The following GRIN2D variants were observed in gnomAD, a reference collection of about 807,000 sequenced individuals.
GRIN2D encodes the protein glutamate ionotropic receptor NMDA type subunit 2D.
A neutral mutation model predicts 103.2 loss-of-function variants in GRIN2D; 37 were observed. The ratio of observed to expected loss-of-function variants is 0.36; its 90% CI spans 0.28 to 0.47. The LOEUF is 0.47. Ranked by LOEUF, GRIN2D falls within the 20% of genes least tolerant of loss-of-function variation. The pLI, the probability that GRIN2D is intolerant of heterozygous loss-of-function variation, is 1.00. For synonymous variants in GRIN2D, 845 were observed against 885.6 expected (o/e 0.95, Z 0.81); for missense variants, 1,557 against 1,910.6 (o/e 0.81, Z 3.45).
At chr19:48,428,008 T>C (rs1000335815) in intron 11 of GRIN2D, among the ~76,000 whole-genome samples, 5 of 150,926 alleles carry the variant, frequency 3.3e-5, no homozygotes. Context: ...TCTCTTCCCA[T>C]CATCTTCCCT....
intron 11 of GRIN2D, among the ~76,000 whole-genome samples, chr19:48,426,224 C>CTTTTTTTTTTCTTTCTT (rs1971084650): frequency 5.0e-5 from 6 of 120,118 alleles, no homozygotes; most frequent in Non-Finnish European, 8.4e-5. Flanking sequence ...TTCTTTCTTT[C>CTTTTTTTTTTCTTTCTT]TTTTTTTTTT....
chr19:48,422,488 G>A (rs1004407937), intron 11 of GRIN2D, among the ~76,000 whole-genome samples: 2 of 152,012 alleles, frequency 1.3e-5, no homozygotes, highest in Admixed American at 6.6e-5. Flanking sequence ...GCACGCGCCT[G>A]TAGTCCCAGA....
Position 48,443,782 on chromosome 19 carries a change from A to T in GRIN2D, c.3856A>T (p.Arg1286Trp). The T allele has an allele frequency of 6.9e-7, 1 of 1,448,796 alleles. No individual in the cohort carries two copies. Among genetic ancestry groups the T allele is most frequent in the Non-Finnish European group, 9.0e-7 (1 of 1,108,536 alleles). The allele number at this position is 1,448,796 out of a possible 1,614,324, so 89.7% of individuals were successfully genotyped here. Residue 1286 changes from arginine (R) to tryptophan (W), a missense_variant, in exon 14 of 14, where the codon AGG becomes TGG. By Grantham distance (101) the Arg-to-Trp change is moderately radical (BLOSUM62 -3). Transcript: ENST00000263269. This position sits in a 1 kb window ranked among gnomAD's most constrained non-coding sequence, Gnocchi z 8.9. ...GTGCCCTCGCGCCGCCCCTGCGCGC[A>T]GGCTTACCGGGCCCTCCCGCCACGC... ...SSCPRAAPARRLTGPSRHARR... is the reference protein window; with the variant it reads ...SSCPRAAPARWLTGPSRHARR...
chr19:48,417,231 C>A (rs1970959747), intron 8 of GRIN2D, among the ~76,000 whole-genome samples: 1 of 152,098 alleles, frequency 6.6e-6, no homozygotes, highest in African/African-American at 2.4e-5. Flanking sequence ...CAGAGCCAGA[C>A]CCTATCTCTA....
intron 3 of GRIN2D, among the ~76,000 whole-genome samples, chr19:48,402,482 C>T (rs936474655): frequency 9.2e-5 from 14 of 152,094 alleles, no homozygotes; most frequent in Admixed American, 5.2e-4. Flanking sequence ...CTTTGGGAGG[C>T]CGAGGCGGGT....
rs1971317441 is a variant in GRIN2D, at chr19:48,442,868, G to C, written c.2942G>C (p.Arg981Pro). Residue 981 changes from arginine to proline, a missense_variant, in exon 14 of 14, where the codon CGC becomes CCC. Arg to Pro is a moderately radical substitution (Grantham distance 103). Around this residue, in one of 7 missense-constraint regions of GRIN2D, gnomAD observed 632 missense variants for 572.8 expected, o/e 1.10. Transcript: ENST00000263269. This position sits in a 1 kb window ranked among gnomAD's most constrained non-coding sequence, Gnocchi z 7.2. ...CTAGGCCTCGGCCTGGGCGAAGCGC[G>C]CGCGGCACCGCGGGGCGCAGCCGGG... Reference protein sequence around the residue: ...QGLGLGLGEARAAPRGAAGRP... With the variant: ...QGLGLGLGEAPAAPRGAAGRP... 1 of 1,082,652 alleles carries C rather than the reference G, an allele frequency of 9.2e-7. No individual in the cohort carries two copies. Among genetic ancestry groups the C allele is most frequent in the Non-Finnish European group, 1.1e-6 (1 of 895,230 alleles). The allele number at this position is 1,082,652 out of a possible 1,614,324, so 67.1% of individuals were successfully genotyped here. A position where few individuals can be genotyped will look rare whatever the true frequency, so the allele number is the denominator to read the frequency against.
chr19:48,412,348 C>A (rs7255860), intron 4 of GRIN2D, among the ~76,000 whole-genome samples: 79,424 of 142,436 alleles, frequency 0.56, 22,098 homozygotes, highest in East Asian at 0.85. Context: ...TAAATAAATA[C>A]ATACATACAT....
rs557084994 is a variant in GRIN2D, at chr19:48,430,821, C to CTTT, written c.2252+8890_2252+8892dup. Among the ~76,000 whole-genome samples the CTTT allele has an allele frequency of 3.7e-3, 473 of 128,906 alleles. 4 individuals carry two copies. Among genetic ancestry groups the CTTT allele is most frequent in the African/African-American group, 0.014 (448 of 32,218 alleles). 84.6% of individuals were successfully genotyped at this position (128,906 alleles called of 152,430 possible). A position where few individuals can be genotyped will look rare whatever the true frequency, so the allele number is the denominator to read the frequency against. ...TCTGTTAATTTCTTTTTTCTTTTTT[C>CTTT]TTTTTTTTTTTTTTTTGAGACAGGG... On this transcript the variant is annotated intron_variant, in intron 11 of 13. Transcript: ENST00000263269.
chr19:48,418,116 C>G (rs1387072192), intron 8 of GRIN2D, among the ~76,000 whole-genome samples: 1 of 151,300 alleles, frequency 6.6e-6, no homozygotes, highest in African/African-American at 2.4e-5. Flanking sequence ...TCACTGCAAC[C>G]TCCACCTCCT....
chr19:48,410,064 C>T (rs1053648060), intron 4 of GRIN2D, among the ~76,000 whole-genome samples: 3 of 151,184 alleles, frequency 2.0e-5, no homozygotes, highest in Non-Finnish European at 4.4e-5. Flanking sequence ...GGATTACAGG[C>T]GTGAACCACT....
In GRIN2D at chr19:48,442,631, C is replaced by A. The variant is rs1291762772; in HGVS notation, c.2705C>A (p.Ala902Asp). Residue 902 changes from alanine to aspartate, a missense_variant, in exon 14 of 14, where the codon GCC becomes GAC. Around this residue, in one of 7 missense-constraint regions of GRIN2D, gnomAD observed 632 missense variants for 572.8 expected, o/e 1.10. Coordinates refer to ENST00000263269, the MANE Select transcript of GRIN2D (RefSeq NM_000836.4). The surrounding 1 kb of genome is among the most constrained non-coding windows in gnomAD (Gnocchi z 7.2). Reference sequence around the variant, plus strand: ...TACAGCTGCTGCAGCGCTGAGGCCGCCCCACCGCCCGCCAAGCCCCCGCCG... The same window carrying A: ...TACAGCTGCTGCAGCGCTGAGGCCGACCCACCGCCCGCCAAGCCCCCGCCG... ...GMYSCCSAEA[A>D]PPPAKPPPPP... The A allele has an allele frequency of 2.0e-6, 3 of 1,494,510 alleles. No individual in the cohort carries two copies. Among genetic ancestry groups the A allele is most frequent in the Non-Finnish European group, 2.7e-6 (3 of 1,123,496 alleles). The allele number at this position is 1,494,510 out of a possible 1,614,324, so 92.6% of individuals were successfully genotyped here. A position where few individuals can be genotyped will look rare whatever the true frequency, so the allele number is the denominator to read the frequency against.
At chr19:48,430,821 C>CT (rs557084994) in intron 11 of GRIN2D, among the ~76,000 whole-genome samples, 5,320 of 128,824 alleles carry the variant, frequency 0.041, 221 homozygotes, top group African/African-American at 0.1. Context: ...TTTCTTTTTT[C>CT]TTTTTTTTTT....
chr19:48,441,961 G>A lies in GRIN2D; in HGVS notation c.2440+5G>A, dbSNP rs764851420. On this transcript the variant is annotated splice_donor_5th_base_variant and intron_variant, in intron 12 of 13. Coordinates refer to ENST00000263269, the MANE Select transcript of GRIN2D (RefSeq NM_000836.4). ...TGCTGCAGTTCCTGGGGGATGGTGC[G>A]GCTGCACACAGGGATTTCCACAGCG... is the stretch of plus-strand genomic sequence containing the variant. 1.9e-6 allele frequency: 3 copies of A among 1,599,980 alleles called. No individual in the cohort carries two copies. The highest frequency in any genetic ancestry group is 1.7e-6 in the Non-Finnish European group (2 of 1,174,318).
At position 48,443,121 on chromosome 19, in the gene GRIN2D, C is replaced by T; in HGVS notation, c.3195C>T (p.Asp1065=). 1 of 1,011,490 alleles carries T rather than the reference C, an allele frequency of 9.9e-7. No homozygotes were observed. The highest frequency in any genetic ancestry group is 1.2e-6 in the Non-Finnish European group (1 of 846,748). 62.7% of individuals were successfully genotyped at this position (1,011,490 alleles called of 1,614,324 possible). A position where few individuals can be genotyped will look rare whatever the true frequency, so the allele number is the denominator to read the frequency against. ...PPAPARWPRS[D]PESQPLLGPG... is the part of the protein sequence containing the mutation. Reference sequence around the variant, plus strand: ...CGCCCGCGCGGTGGCCGCGCTCGGACCCCGAGAGCCAACCCCTGCTGGGGC... The same window carrying T: ...CGCCCGCGCGGTGGCCGCGCTCGGATCCCGAGAGCCAACCCCTGCTGGGGC... The change falls in exon 14 of 14, where the codon GAC becomes GAT. Residue 1065 remains aspartate, a synonymous_variant. Transcript: ENST00000263269. The surrounding 1 kb of genome is among the most constrained non-coding windows in gnomAD (Gnocchi z 8.9).
intron 11 of GRIN2D, among the ~76,000 whole-genome samples, chr19:48,429,338 G>A (rs1432682864): frequency 1.3e-5 from 2 of 151,906 alleles, no homozygotes; most frequent in African/African-American, 4.8e-5. Context: ...TGATCCTCCC[G>A]CCTTAGCCTC....
rs962158452 is a variant in GRIN2D, at chr19:48,403,339, A to C, written c.466-1395A>C. Among the ~76,000 whole-genome samples the C allele has an allele frequency of 3.9e-5, 6 of 152,314 alleles. No homozygotes were observed. The South Asian group carries it at 1.2e-3, about 32-fold the overall frequency. The stretch of plus-strand genomic sequence containing the variant: ...TTCAGCAAAGATGAAGCTGTTCTAT[A>C]GCTGCTCTGTCCGATTTGAAAGCCA... On this transcript the variant is annotated intron_variant, in intron 3 of 13. Transcript: ENST00000263269.
chr19:48,423,236 T>C (rs1948250182), intron 11 of GRIN2D, among the ~76,000 whole-genome samples: 1 of 151,894 alleles, frequency 6.6e-6, no homozygotes, highest in Admixed American at 6.6e-5. Flanking sequence ...CAAAAAAAGT[T>C]GAGTTCAGGC....
Position 48,442,858 on chromosome 19 carries a change from G to A in GRIN2D, c.2932G>A (p.Gly978Ser). Residue 978 changes from glycine to serine, a missense_variant, in exon 14 of 14, where the codon GGC becomes AGC. By Grantham distance (56) the Gly-to-Ser change is moderately conservative. Coordinates refer to ENST00000263269, the MANE Select transcript of GRIN2D (RefSeq NM_000836.4). The surrounding 1 kb of genome is among the most constrained non-coding windows in gnomAD (Gnocchi z 7.2). ...GCCGCAGGGCCTAGGCCTCGGCCTG[G>A]GCGAAGCGCGCGCGGCACCGCGGGG... is the stretch of plus-strand genomic sequence containing the variant. ...IEPQGLGLGL[G>S]EARAAPRGAA... 2 of 1,084,250 alleles carry A rather than the reference G, an allele frequency of 1.8e-6. No individual in the cohort carries two copies. The highest frequency in any genetic ancestry group is 2.2e-6 in the Non-Finnish European group (2 of 895,950). 67.2% of individuals were successfully genotyped at this position (1,084,250 alleles called of 1,614,324 possible).
chr19:48,402,923 G>T (rs999473616), intron 3 of GRIN2D, among the ~76,000 whole-genome samples: 2 of 151,820 alleles, frequency 1.3e-5, no homozygotes, highest in African/African-American at 2.4e-5. Flanking sequence ...TAGGGGCCAG[G>T]CATGGTGGCT....
Sources: gnomAD v4.1 joint callset for allele counts (sites outside exome capture counted in the v4.1 genomes callset) on GRCh38, gnomAD v4.1.1 for gene constraint, gnomAD v4.1.1 regional missense constraint, Gnocchi (gnomAD v3.1) non-coding constraint, MANE v1.5 for transcripts, NCBI Gene and HGNC (gene_info 2026-07-23, HGNC 2026-07-21) for gene names.